The following TASP1 variants were observed in gnomAD, a reference collection of about 807,000 sequenced individuals.
TASP1 encodes threonine aspartase 1.
TASP1 carries 16 observed loss-of-function variants against 56.6 expected under a neutral mutation model. That is an observed-to-expected ratio of 0.28 (90% confidence interval 0.19 to 0.43). The LOEUF (loss-of-function observed/expected upper bound fraction) is 0.43, where lower values mean the gene tolerates loss of function less well. Ranked by LOEUF, TASP1 falls within the 20% of genes least tolerant of loss-of-function variation. The pLI is 1.00. For missense variants in TASP1, 393 were observed against 511.6 expected (o/e 0.77, Z 2.24); for synonymous variants, 179 against 184.2 (o/e 0.97, Z 0.23).
At chr20:13,240,059 T>G in the TASP1 span, among the ~76,000 whole-genome samples, 2 of 152,228 alleles carry the variant, frequency 1.3e-5, no homozygotes, top group South Asian at 2.1e-4. Flanking sequence ...TTATTTAATA[T>G]ACAACCAAAC....
At chr20:13,624,288 T>G (rs187980772) in intron 3 of TASP1, among the ~76,000 whole-genome samples, 1 of 152,224 alleles carries the variant, frequency 6.6e-6, no homozygotes, top group East Asian at 1.9e-4. Context: ...TCTAGGACTA[T>G]AGTTATATAA....
chr20:13,145,921 C>T, the TASP1 span, among the ~76,000 whole-genome samples: 2 of 152,150 alleles, frequency 1.3e-5, no homozygotes, highest in African/African-American at 4.8e-5. Context: ...TAATCAGCAT[C>T]ATTTATTAAA....
intron 10 of TASP1, among the ~76,000 whole-genome samples, chr20:13,506,150 A>G (rs996123830): frequency 6.6e-6 from 1 of 152,204 alleles, no homozygotes; most frequent in African/African-American, 2.4e-5. Flanking sequence ...AACCTAGTAG[A>G]AATGCATAAA....
rs117952688 is a variant in TASP1 at position 13,498,715 on chromosome 20, C to T, written c.875-15378G>A. ...TACCAAAAAAAAAAATGTTCAACAT[C>T]GCTACTGATCAGAGAAACACAAATC... On this transcript the variant is annotated intron_variant, in intron 10 of 13. Coordinates refer to ENST00000337743, the MANE Select transcript of TASP1 (RefSeq NM_017714.3). Among the ~76,000 whole-genome samples the T allele has an allele frequency of 5.1e-3, 761 of 150,512 alleles. 2 individuals carry two copies. The highest frequency in any genetic ancestry group is 0.012 in the East Asian group (59 of 5,124).
At chr20:13,223,932 C>A in the TASP1 span, among the ~76,000 whole-genome samples, 1 of 151,958 alleles carries the variant, frequency 6.6e-6, no homozygotes, top group African/African-American at 2.4e-5. Context: ...ATTAGAATAA[C>A]CCGGGGTTGG....
At chr20:13,591,721 T>C (rs768644932) in intron 4 of TASP1, among the ~76,000 whole-genome samples, 20 of 152,148 alleles carry the variant, frequency 1.3e-4, no homozygotes, top group Admixed American at 2.0e-4. Context: ...CAAATGATAA[T>C]TGTTTAAAGC....
chr20:13,299,854 T>C, the TASP1 span: 1 of 167,476 alleles, frequency 6.0e-6, no homozygotes, highest in Non-Finnish European at 1.3e-5. This position sits in a 1 kb window ranked among gnomAD's most constrained non-coding sequence, Gnocchi z 5.8. Flanking sequence ...ATAACTTATT[T>C]AATACAAATG....
At chr20:13,163,442 G>T in the TASP1 span, among the ~76,000 whole-genome samples, 1 of 149,344 alleles carries the variant, frequency 6.7e-6, no homozygotes, top group Non-Finnish European at 1.5e-5. Context: ...TCTCACAGAT[G>T]CCCCAAATGT....
At chr20:13,223,974 G>A in the TASP1 span, among the ~76,000 whole-genome samples, 2 of 152,204 alleles carry the variant, frequency 1.3e-5, no homozygotes, top group Non-Finnish European at 1.5e-5. Context: ...GGTAATGAGA[G>A]AAGCAGCTGG....
intron 13 of TASP1, among the ~76,000 whole-genome samples, chr20:13,411,281 G>C (rs1222640046): frequency 2.0e-5 from 3 of 152,166 alleles, no homozygotes; most frequent in Non-Finnish European, 2.9e-5. Context: ...TTTTGCCAAG[G>C]ATTGCGTTGG....
At chr20:13,570,623 G>A (rs910033449) in intron 6 of TASP1, among the ~76,000 whole-genome samples, 3 of 151,960 alleles carry the variant, frequency 2.0e-5, no homozygotes, top group African/African-American at 7.3e-5. Context: ...ACATAAAGAT[G>A]GGGATGGAGG....
chr20:13,258,607 A>G, the TASP1 span, among the ~76,000 whole-genome samples: 1 of 152,118 alleles, frequency 6.6e-6, no homozygotes, highest in African/African-American at 2.4e-5. Flanking sequence ...ACCACATCCC[A>G]AAAGAAAGCC....
At chr20:13,627,002 A>G (rs2048918737) in intron 2 of TASP1, among the ~76,000 whole-genome samples, 1 of 150,484 alleles carries the variant, frequency 6.6e-6, no homozygotes, top group African/African-American at 2.4e-5. Flanking sequence ...ACTGACAAAT[A>G]GGATCTAGTT....
chr20:13,488,428 A>C (rs2043405608), intron 10 of TASP1, among the ~76,000 whole-genome samples: 1 of 152,190 alleles, frequency 6.6e-6, no homozygotes, highest in Non-Finnish European at 1.5e-5. Flanking sequence ...TGGCAAAAAA[A>C]ACAAGCAAAC....
intron 11 of TASP1, among the ~76,000 whole-genome samples, chr20:13,480,784 C>T (rs1225336551): frequency 1.3e-5 from 2 of 152,054 alleles, no homozygotes; most frequent in Non-Finnish European, 2.9e-5. Flanking sequence ...CACAGGGTTC[C>T]TAGAAAGTGA....
chr20:13,582,196 A>G (rs1214344884), intron 5 of TASP1, among the ~76,000 whole-genome samples: 2 of 151,842 alleles, frequency 1.3e-5, no homozygotes, highest in Non-Finnish European at 2.9e-5. Context: ...TCTAGATGTG[A>G]TGATTCAATA....
intron 13 of TASP1, among the ~76,000 whole-genome samples, chr20:13,396,732 TGCCATA>T (rs2041553172): frequency 1.3e-5 from 2 of 152,210 alleles, no homozygotes; most frequent in Non-Finnish European, 2.9e-5. Flanking sequence ...GAGAAAGGAA[TGCCATA>T]TGTTATTTAT....
At chr20:13,517,979 C>T (rs1359552317) in intron 10 of TASP1, among the ~76,000 whole-genome samples, 1 of 152,044 alleles carries the variant, frequency 6.6e-6, no homozygotes, top group Non-Finnish European at 1.5e-5. Flanking sequence ...CCCCAACAAC[C>T]AAACAGTCCA....
chr20:13,218,457 G>A, the TASP1 span, among the ~76,000 whole-genome samples: 2 of 152,056 alleles, frequency 1.3e-5, no homozygotes, highest in Non-Finnish European at 2.9e-5. Context: ...GGAGTGGGGC[G>A]ATGCTCTGAA....
Sources: gnomAD v4.1 joint callset for allele counts (sites outside exome capture counted in the v4.1 genomes callset) on GRCh38, gnomAD v4.1.1 for gene constraint, Gnocchi (gnomAD v3.1) non-coding constraint, MANE v1.5 for transcripts, NCBI Gene and HGNC (gene_info 2026-07-23, HGNC 2026-07-21) for gene names.